CNTNAP2: variants seen among roughly 807,000 people sequenced by gnomAD.
CNTNAP2 encodes the protein contactin associated protein 2.
CNTNAP2 carries 98 observed loss-of-function variants against 155.2 expected under a neutral mutation model. The observed-to-expected ratio is 0.63, with a 90% confidence interval of 0.54 to 0.75. CNTNAP2 has a LOEUF of 0.75. Among genes scored for constraint, CNTNAP2 ranks in the 30% least tolerant of loss-of-function variants. The pLI is 0.00. For synonymous variants in CNTNAP2, 651 were observed against 631.2 expected (o/e 1.03, Z -0.47); for missense variants, 1,727 against 1,688.1 (o/e 1.02, Z -0.40).
Position 147,613,177 on chromosome 7 carries a change from C to A in CNTNAP2, c.1898-25929C>A, listed in dbSNP as rs533587857. On this transcript the variant is annotated intron_variant, in intron 12 of 23. Coordinates refer to ENST00000361727, the MANE Select transcript of CNTNAP2 (RefSeq NM_014141.6). ...ATACAGCCACATTTTTAAGTATTTG[C>A]CAACCTGACAAACATAAAATAAAAC... is the stretch of plus-strand genomic sequence containing the variant. Among the ~76,000 whole-genome samples the A allele has an allele frequency of 3.3e-5, 5 of 152,212 alleles. No homozygotes were observed. The South Asian group carries it at 1.0e-3, about 32-fold the overall frequency.
At chr7:146,638,577 C>T (rs1254790339) in intron 1 of CNTNAP2, among the ~76,000 whole-genome samples, 4 of 146,300 alleles carry the variant, frequency 2.7e-5, no homozygotes, top group South Asian at 2.2e-4. Context: ...TTCCTCCTCC[C>T]GGGTTCACGC....
intron 3 of CNTNAP2, among the ~76,000 whole-genome samples, chr7:147,025,673 T>C (rs1217386681): frequency 6.6e-6 from 1 of 151,878 alleles, no homozygotes; most frequent in Non-Finnish European, 1.5e-5. Flanking sequence ...GCAACTACTA[T>C]GTGAGTCTAA....
rs539095511 is a variant in CNTNAP2, at chr7:147,416,469, C to G, written c.1670+20689C>G. Among the ~76,000 whole-genome samples the G allele has an allele frequency of 2.6e-5, 4 of 152,334 alleles. No homozygotes were observed. In the East Asian group the frequency reaches 7.7e-4, roughly 29 times the overall value. Reference sequence around the variant, plus strand: ...TTGGGTTTTTGGTTTACAGCCGAAACCATCAGAACCAATACAACTCCAGTG... The same window carrying G: ...TTGGGTTTTTGGTTTACAGCCGAAAGCATCAGAACCAATACAACTCCAGTG... On this transcript the variant is annotated intron_variant, in intron 10 of 23. Coordinates refer to ENST00000361727, the MANE Select transcript of CNTNAP2 (RefSeq NM_014141.6).
intron 3 of CNTNAP2, among the ~76,000 whole-genome samples, chr7:146,947,871 C>T (rs1797223031): frequency 6.6e-6 from 1 of 151,718 alleles, no homozygotes; most frequent in Non-Finnish European, 1.5e-5. Context: ...GTGCCATTGC[C>T]CTGCAGCATG....
chr7:147,900,427 A>G (rs1277233800), intron 13 of CNTNAP2, among the ~76,000 whole-genome samples: 3 of 152,004 alleles, frequency 2.0e-5, no homozygotes, highest in Non-Finnish European at 4.4e-5. Flanking sequence ...TCCTGCCCCC[A>G]TGAGAAGACG....
At chr7:147,764,503 C>T (rs1414551290) in intron 13 of CNTNAP2, among the ~76,000 whole-genome samples, 1 of 152,154 alleles carries the variant, frequency 6.6e-6, no homozygotes, top group Non-Finnish European at 1.5e-5. Flanking sequence ...ATATGGCTCC[C>T]TCCTATTTCC....
intron 1 of CNTNAP2, among the ~76,000 whole-genome samples, chr7:146,678,198 A>G (rs1800437374): frequency 6.8e-6 from 1 of 147,198 alleles, no homozygotes; most frequent in African/African-American, 2.5e-5. Flanking sequence ...CCTCCTGAGT[A>G]GCTGGGATTT....
At chr7:147,701,235 G>T (rs1328498603) in intron 13 of CNTNAP2, among the ~76,000 whole-genome samples, 1 of 152,098 alleles carries the variant, frequency 6.6e-6, no homozygotes, top group Non-Finnish European at 1.5e-5. Flanking sequence ...CATGTAAAAT[G>T]ACCCTAGTGT....
At chr7:148,049,506 G>A (rs182379904) in intron 15 of CNTNAP2, among the ~76,000 whole-genome samples, 1,709 of 152,176 alleles carry the variant, frequency 0.011, 36 homozygotes, top group African/African-American at 0.039. Flanking sequence ...ATTAAAACTA[G>A]TAAAGTGAAT....
intron 8 of CNTNAP2, among the ~76,000 whole-genome samples, chr7:147,263,768 A>G (rs536079530): frequency 6.6e-6 from 1 of 152,330 alleles, no homozygotes; most frequent in Non-Finnish European, 1.5e-5. Context: ...TGATGCATAC[A>G]TATGGATGGA....
chr7:147,830,419 C>T (rs887407012), intron 13 of CNTNAP2, among the ~76,000 whole-genome samples: 1 of 151,966 alleles, frequency 6.6e-6, no homozygotes, highest in Non-Finnish European at 1.5e-5. Context: ...TGACCTACTT[C>T]CCCCCCAAAA....
chr7:147,905,009 T>A (rs893179749), intron 14 of CNTNAP2, among the ~76,000 whole-genome samples: 1 of 152,164 alleles, frequency 6.6e-6, no homozygotes, highest in African/African-American at 2.4e-5. Context: ...ATTCGTTCAA[T>A]CATTCATTCA....
At chr7:146,868,202 T>C (rs1003559690) in intron 3 of CNTNAP2, among the ~76,000 whole-genome samples, 2 of 152,144 alleles carry the variant, frequency 1.3e-5, no homozygotes, top group East Asian at 3.9e-4. Context: ...TTGTGTATGG[T>C]GTAAGGAAGG....
At chr7:146,954,956 G>A (rs1797402738) in intron 3 of CNTNAP2, among the ~76,000 whole-genome samples, 1 of 151,912 alleles carries the variant, frequency 6.6e-6, no homozygotes, top group African/African-American at 2.4e-5. Flanking sequence ...AATAGAAAGA[G>A]AGAGGAAGTA....
chr7:147,969,938 T>TTTTA, intron 14 of CNTNAP2, among the ~76,000 whole-genome samples: 1 of 119,942 alleles, frequency 8.3e-6, no homozygotes, highest in South Asian at 2.6e-4. Context: ...ATTTTATTTA[T>TTTTA]TTTATTTTAT....
At chr7:146,503,462 A>G (rs1390405016) in intron 1 of CNTNAP2, among the ~76,000 whole-genome samples, 2 of 152,208 alleles carry the variant, frequency 1.3e-5, no homozygotes, top group East Asian at 3.9e-4. Flanking sequence ...AATTCTTCCA[A>G]TGTGGCCTAG....
chr7:146,667,874 T>C (rs1800226146), intron 1 of CNTNAP2, among the ~76,000 whole-genome samples: 1 of 152,114 alleles, frequency 6.6e-6, no homozygotes, highest in Non-Finnish European at 1.5e-5. Flanking sequence ...AGTTTTTCAG[T>C]AGAATCTTTA....
intron 1 of CNTNAP2, among the ~76,000 whole-genome samples, chr7:146,394,402 A>G (rs1430801858): frequency 6.6e-6 from 1 of 152,190 alleles, no homozygotes; most frequent in African/African-American, 2.4e-5. Context: ...GAAGAATCTC[A>G]GTCTATCCTT....
intron 8 of CNTNAP2, among the ~76,000 whole-genome samples, chr7:147,273,811 CAT>C (rs1804823027): frequency 6.9e-6 from 1 of 144,106 alleles, no homozygotes; most frequent in Non-Finnish European, 1.5e-5. Flanking sequence ...TATATCTATA[CAT>C]ATATATTTTA....
Sources: gnomAD v4.1 joint callset for allele counts (sites outside exome capture counted in the v4.1 genomes callset) on GRCh38, gnomAD v4.1.1 for gene constraint, MANE v1.5 for transcripts, NCBI Gene and HGNC (gene_info 2026-07-23, HGNC 2026-07-21) for gene names.